Variants in DNAH7 observed in about 807,000 individuals in gnomAD.
The protein encoded by DNAH7 is dynein axonemal heavy chain 7.
DNAH7 carries 397 observed loss-of-function variants against 444.6 expected under a neutral mutation model. The observed-to-expected ratio is 0.89, with a 90% confidence interval of 0.82 to 0.97. The LOEUF (loss-of-function observed/expected upper bound fraction) is 0.97. Ranked by LOEUF, DNAH7 falls within the 50% of genes least tolerant of loss-of-function variation. The probability of loss-of-function intolerance (pLI) is 0.00; values close to 1 mark genes in which losing one functional copy is unlikely to be tolerated. For missense variants in DNAH7, 4,902 were observed against 4,800.8 expected (o/e 1.02, Z -0.62); for synonymous variants, 1,636 against 1,624.4 (o/e 1.01, Z -0.17).
chr2:195,906,813 TTAG>T (rs1173224452), intron 26 of DNAH7, 27 bp from the exon 27 acceptor site: 1 of 1,612,244 alleles, frequency 6.2e-7, no homozygotes, highest in Non-Finnish European at 8.5e-7. Flanking sequence ...ATGAAATGAC[TTAG>T]TAATACCACA....
chr2:195,989,209 T>C (rs1375401540), intron 12 of DNAH7, among the ~76,000 whole-genome samples: 2 of 152,194 alleles, frequency 1.3e-5, no homozygotes, highest in African/African-American at 2.4e-5. Context: ...TACCCAATAG[T>C]GGGATTGCTG....
At chr2:196,014,834 G>C (rs771603998) in intron 9 of DNAH7, among the ~76,000 whole-genome samples, 20 of 152,104 alleles carry the variant, frequency 1.3e-4, no homozygotes, top group Non-Finnish European at 2.9e-5. Flanking sequence ...CTATAGGCCA[G>C]TGTCCTGCAC....
chr2:196,014,190 C>T (rs979613850), intron 9 of DNAH7, among the ~76,000 whole-genome samples: 11 of 152,108 alleles, frequency 7.2e-5, no homozygotes, highest in African/African-American at 2.7e-4. Context: ...ATAGTCCCTA[C>T]AATAACCCAG....
At chr2:195,859,569 T>A (rs1699902533) in intron 42 of DNAH7, among the ~76,000 whole-genome samples, 1 of 151,990 alleles carries the variant, frequency 6.6e-6, no homozygotes, top group Non-Finnish European at 1.5e-5. Flanking sequence ...GTTTTTAAAA[T>A]CCCCTTCAAA....
intron 15 of DNAH7, among the ~76,000 whole-genome samples, chr2:195,979,760 A>G (rs1037554661): frequency 1.3e-5 from 2 of 152,044 alleles, no homozygotes; most frequent in Non-Finnish European, 2.9e-5. Flanking sequence ...AATAAATAAA[A>G]TCAGAGATGA....
Position 195,771,821 on chromosome 2 carries a change from C to T in DNAH7, c.11272G>A (p.Gly3758Ser). 6.2e-7 allele frequency: 1 copy of T among 1,614,088 alleles called. No homozygotes were observed. Among genetic ancestry groups the T allele is most frequent in the Non-Finnish European group, 8.5e-7 (1 of 1,180,032 alleles). Residue 3758 changes from glycine (G) to serine (S), a missense_variant, in exon 61 of 65, where the codon GGC (glycine) becomes AGC (serine). Physicochemically the swap from Gly to Ser is moderately conservative, Grantham distance 56. Coordinates refer to ENST00000312428, the MANE Select transcript of DNAH7 (RefSeq NM_018897.3). ...ATGTCGAAGTTGTTTGGAAGTTTGC[C>T]CAAGATGTCACTAGCGACCTCATTC... ...VVNEVASDILGKLPNNFDIEA... is the reference protein window; with the variant it reads ...VVNEVASDILSKLPNNFDIEA...
At chr2:195,749,532 C>T (rs529650543) in intron 63 of DNAH7, among the ~76,000 whole-genome samples, 217 of 152,228 alleles carry the variant, frequency 1.4e-3, no homozygotes, top group Non-Finnish European at 2.3e-3. Context: ...CACATGCACA[C>T]ATATGTTTAT....
chr2:195,740,642 TATAC>T (rs1288897835), intron 64 of DNAH7, 120 bp downstream of exon 64: 3,183 of 93,690 alleles, frequency 0.034, 45 homozygotes, highest in Middle Eastern at 0.047. Flanking sequence ...TATATATATA[TATAC>T]ATATACACAC....
chr2:195,858,387 G>C, intron 43 of DNAH7, 87 bp downstream of exon 43: 1 of 1,097,584 alleles, frequency 9.1e-7, no homozygotes, highest in Non-Finnish European at 1.2e-6. Context: ...CTAATTCGGA[G>C]AGACAAACTA....
At chr2:195,959,015 C>G (rs1020204719) in intron 18 of DNAH7, among the ~76,000 whole-genome samples, 1 of 152,090 alleles carries the variant, frequency 6.6e-6, no homozygotes, top group Admixed American at 6.6e-5. Flanking sequence ...GAGCTGAGAT[C>G]GTGCCACTGC....
At chr2:195,840,549 G>C (rs1698622832) in intron 47 of DNAH7, among the ~76,000 whole-genome samples, 1 of 151,670 alleles carries the variant, frequency 6.6e-6, no homozygotes, top group South Asian at 2.1e-4. Context: ...TTAGAAAGTA[G>C]TAAGTTAAAC....
chr2:195,894,676 G>A (rs1169321212), intron 30 of DNAH7: 1 of 204,056 alleles, frequency 4.9e-6, no homozygotes, highest in African/African-American at 2.3e-5. Context: ...TCCTCTGAAA[G>A]TATTGCAGGA....
At chr2:195,906,410 AACACAC>A (rs150739355) in intron 27 of DNAH7, among the ~76,000 whole-genome samples, 7 of 139,846 alleles carry the variant, frequency 5.0e-5, no homozygotes, top group Admixed American at 3.5e-4. Context: ...TACACACAGA[AACACAC>A]ACACACACAC....
intron 60 of DNAH7, among the ~76,000 whole-genome samples, chr2:195,774,417 T>C (rs962569836): frequency 1.3e-5 from 2 of 152,260 alleles, no homozygotes; most frequent in Non-Finnish European, 2.9e-5. Context: ...AGACCAGAGA[T>C]AGGAGTTCCA....
chr2:195,884,677 AT>A lies in DNAH7; in HGVS notation c.5670del (p.Lys1890AsnfsTer14). The A allele has an allele frequency of 6.2e-7, 1 of 1,614,188 alleles. No homozygotes were observed. Among genetic ancestry groups the A allele is most frequent in the Non-Finnish European group, 8.5e-7 (1 of 1,180,010 alleles). The stretch of plus-strand genomic sequence containing the variant: ...GATGTTTGCTCAGTACCACTCTGTA[AT>A]TTAAACGTATTTCGAGTTCGATCTG... ...PISDRTRNTF[K>X]LQSGTEQTSS... On this transcript the variant is annotated frameshift_variant, in exon 35 of 65. Transcript: ENST00000312428. LOFTEE classifies it high-confidence loss of function.
chr2:196,041,089 G>C (rs1166179770), intron 5 of DNAH7, among the ~76,000 whole-genome samples: 1 of 151,890 alleles, frequency 6.6e-6, no homozygotes, highest in East Asian at 1.9e-4. Flanking sequence ...AGCAATCATG[G>C]ATTGGAAAAA....
intron 5 of DNAH7, among the ~76,000 whole-genome samples, chr2:196,043,895 C>A (rs191656643): frequency 5.7e-4 from 87 of 151,968 alleles, no homozygotes; most frequent in Middle Eastern, 3.4e-3. Context: ...ATTTAAAAAT[C>A]AAAAAATAAT....
Position 195,960,672 on chromosome 2 carries a change from CT to C in DNAH7, c.2478del (p.Val827Ter), listed in dbSNP as rs752238407. 1 of 1,614,180 alleles carries C rather than the reference CT, an allele frequency of 6.2e-7. No individual in the cohort carries two copies. The highest frequency in any genetic ancestry group is 2.2e-5 in the East Asian group (1 of 44,878). On this transcript the variant is annotated frameshift_variant, in exon 18 of 65. Transcript: ENST00000312428. LOFTEE classifies it high-confidence loss of function. ...DSPYALAMTK[K>X]VRSKVEDFKQ... ...TTGAAATCTTCCACCTTTGATCTTA[CT>C]TTTTTTGTCATTGCCAATGCATATG...
intron 1 of DNAH7, among the ~76,000 whole-genome samples, chr2:196,064,758 C>G (rs1001195321): frequency 6.6e-6 from 1 of 152,122 alleles, no homozygotes; most frequent in Non-Finnish European, 1.5e-5. Context: ...CCCATTAATA[C>G]GTTTCTCAAT....
Sources: gnomAD v4.1 joint callset for allele counts (sites outside exome capture counted in the v4.1 genomes callset) on GRCh38, gnomAD v4.1.1 for gene constraint, MANE v1.5 for transcripts, NCBI Gene and HGNC (gene_info 2026-07-23, HGNC 2026-07-21) for gene names.